The following ST14 variants were observed in gnomAD, a reference collection of about 807,000 sequenced individuals.
ST14 encodes ST14 transmembrane serine protease matriptase.
ST14 carries 40 observed loss-of-function variants against 96.5 expected under a neutral mutation model. That is an observed-to-expected ratio of 0.41 (90% confidence interval 0.32 to 0.54). The LOEUF (loss-of-function observed/expected upper bound fraction) is 0.54, where lower values mean the gene tolerates loss of function less well. Ranked by LOEUF, ST14 falls within the 20% of genes least tolerant of loss-of-function variation. The pLI is 0.17. For synonymous variants in ST14, 506 were observed against 492.1 expected (o/e 1.03, Z -0.37); for missense variants, 1,066 against 1,188.9 (o/e 0.90, Z 1.52).
chr11:130,208,379 C>T lies in ST14; in HGVS notation c.1995-31C>T, dbSNP rs372002742. The stretch of plus-strand genomic sequence containing the variant: ...GGCCGTGTGCACAGACCCGAGTGAC[C>T]GCGCAGTCTCATAGCGGCTCTCCCT... On this transcript the variant is annotated intron_variant, in intron 16 of 18. Coordinates refer to ENST00000278742, the MANE Select transcript of ST14 (RefSeq NM_021978.4). The T allele has an allele frequency of 9.9e-6, 16 of 1,613,576 alleles. No homozygotes were observed. In the East Asian group the frequency reaches 1.6e-4, roughly 16 times the overall value.
intron 16 of ST14, 53 bp from the exon 17 acceptor site, chr11:130,208,357 C>T (rs1953509438): frequency 8.1e-6 from 13 of 1,612,924 alleles, no homozygotes; most frequent in Middle Eastern, 1.7e-4. Context: ...GCCGCGAGGC[C>T]GTGTGCACAG....
At chr11:130,195,330 C>T (rs899668401) in intron 9 of ST14, among the ~76,000 whole-genome samples, 4 of 152,154 alleles carry the variant, frequency 2.6e-5, no homozygotes, top group African/African-American at 9.7e-5. Flanking sequence ...CCTGCAGTGT[C>T]AGGCAGACCC....
chr11:130,210,030 G>A lies in ST14; in HGVS notation c.*207G>A. 11 of 651,188 alleles carry A rather than the reference G, an allele frequency of 1.7e-5. No individual in the cohort carries two copies. The South Asian group carries it at 2.2e-4, about 13-fold the overall frequency. The allele number at this position is 651,188 out of a possible 1,614,324, so 40.3% of individuals were successfully genotyped here. ...GTGGAGCTGGGAGGTAGAAGGGGAG[G>A]ACACTGGTGGTTCTACTGACCCAAC... On this transcript the variant is annotated 3_prime_UTR_variant, in exon 19 of 19. Transcript: ENST00000278742.
At chr11:130,165,049 T>C (rs1953030688) in intron 1 of ST14, among the ~76,000 whole-genome samples, 1 of 152,206 alleles carries the variant, frequency 6.6e-6, no homozygotes, top group Admixed American at 6.5e-5. Context: ...GCCTTATTGT[T>C]ATTACCTTTT....
At chr11:130,197,438 G>A (rs1053900743) in intron 11 of ST14, among the ~76,000 whole-genome samples, 8 of 152,262 alleles carry the variant, frequency 5.3e-5, no homozygotes, top group Non-Finnish European at 1.2e-4. Context: ...CATTTGGATA[G>A]GACACATCAC....
intron 1 of ST14, among the ~76,000 whole-genome samples, chr11:130,172,863 C>A (rs1178132486): frequency 6.6e-6 from 1 of 152,082 alleles, no homozygotes; most frequent in Non-Finnish European, 1.5e-5. Context: ...AAGATGAGGT[C>A]TTTTTCTAGG....
chr11:130,208,103 G>T (rs890840723), intron 16 of ST14, among the ~76,000 whole-genome samples: 4 of 152,062 alleles, frequency 2.6e-5, no homozygotes, highest in Non-Finnish European at 5.9e-5. Flanking sequence ...AAATTATTTG[G>T]ATTGATTGTT....
chr11:130,209,923 C>A lies in ST14; in HGVS notation c.*100C>A. On this transcript the variant is annotated 3_prime_UTR_variant, in exon 19 of 19. Coordinates refer to ENST00000278742, the MANE Select transcript of ST14 (RefSeq NM_021978.4). ...GAGACTGGACCGCTGACTGCACCAGCGCCCCCAGAACATACACTGTGAACT... is the reference window on the plus strand; with the variant it reads ...GAGACTGGACCGCTGACTGCACCAGAGCCCCCAGAACATACACTGTGAACT... 4.2e-6 allele frequency: 6 copies of A among 1,436,868 alleles called. No homozygotes were observed. The highest frequency in any genetic ancestry group is 5.7e-6 in the Non-Finnish European group (6 of 1,046,570). The allele number at this position is 1,436,868 out of a possible 1,614,324, so 89.0% of individuals were successfully genotyped here. A position where few individuals can be genotyped will look rare whatever the true frequency, so the allele number is the denominator to read the frequency against.
chr11:130,168,894 C>T (rs1304340106), intron 1 of ST14, among the ~76,000 whole-genome samples: 1 of 152,036 alleles, frequency 6.6e-6, no homozygotes, highest in Non-Finnish European at 1.5e-5. Flanking sequence ...GTTTTTCCCA[C>T]TAGCTTCTGC....
intron 7 of ST14, 46 bp downstream of exon 7, chr11:130,190,740 G>A (rs1215403422): frequency 2.0e-6 from 3 of 1,526,608 alleles, no homozygotes; most frequent in South Asian, 1.2e-5. Context: ...CTTGGCGGCT[G>A]CCCTGTAGGG....
intron 1 of ST14, among the ~76,000 whole-genome samples, chr11:130,171,372 T>TC (rs1211133095): frequency 2.0e-5 from 3 of 152,254 alleles, no homozygotes; most frequent in African/African-American, 7.2e-5. Flanking sequence ...CTTTTGTGTA[T>TC]CCATTCATTT....
intron 16 of ST14, among the ~76,000 whole-genome samples, chr11:130,205,815 C>T (rs556828157): frequency 5.3e-4 from 78 of 148,570 alleles, no homozygotes; most frequent in Admixed American, 2.2e-3. Flanking sequence ...TCTCTTGCCT[C>T]AGTCTCCTGA....
chr11:130,189,994 C>G, intron 5 of ST14, 98 bp downstream of exon 5: 3 of 1,609,376 alleles, frequency 1.9e-6, no homozygotes, highest in Admixed American at 1.7e-5. Flanking sequence ...CTCCCAGGGC[C>G]CAGTGCCCCA....
intron 1 of ST14, 44 bp downstream of exon 1, chr11:130,160,104 C>T: frequency 6.8e-6 from 9 of 1,320,698 alleles, no homozygotes; most frequent in Non-Finnish European, 8.9e-6. Flanking sequence ...AGCTCCTGCC[C>T]GCCCGACCCT....
intron 17 of ST14, 93 bp downstream of exon 17, chr11:130,208,777 G>A: frequency 6.9e-7 from 1 of 1,443,414 alleles, no homozygotes; most frequent in East Asian, 2.5e-5. Context: ...GGGGCGGGGG[G>A]CTGCTCCAGT....
intron 1 of ST14, among the ~76,000 whole-genome samples, chr11:130,164,047 C>T (rs1486052030): frequency 1.3e-5 from 2 of 152,160 alleles, no homozygotes; most frequent in Admixed American, 6.6e-5. Context: ...CCTCAAGTTC[C>T]CTGATGTCTG....
chr11:130,191,689 CAAAAAAA>C (rs4054265), intron 7 of ST14, among the ~76,000 whole-genome samples: 3 of 109,048 alleles, frequency 2.8e-5, no homozygotes. Context: ...GACTCTGTCT[CAAAAAAA>C]AAAAAAAAAA....
intron 7 of ST14, among the ~76,000 whole-genome samples, chr11:130,191,460 C>A (rs7951683): frequency 0.48 from 73,317 of 151,988 alleles, 18,753 homozygotes; most frequent in East Asian, 0.96. Flanking sequence ...GAGGCCAAGG[C>A]GGCTGGATCA....
In ST14 at chr11:130,210,087, C is replaced by G. The variant is rs1015504940; in HGVS notation, c.*264C>G. 8.1e-6 allele frequency: 4 copies of G among 491,262 alleles called. No individual in the cohort carries two copies. The highest frequency in any genetic ancestry group is 1.1e-5 in the Non-Finnish European group (3 of 273,900). The allele number at this position is 491,262 out of a possible 1,614,324, so 30.4% of individuals were successfully genotyped here. A position where few individuals can be genotyped will look rare whatever the true frequency, so the allele number is the denominator to read the frequency against. ...CAAAGGTTTGAAGACACAGCCTCCCCCGCCAGCCCCAAGCTGGGCCGAGGC... is the reference window on the plus strand; with the variant it reads ...CAAAGGTTTGAAGACACAGCCTCCCGCGCCAGCCCCAAGCTGGGCCGAGGC... On this transcript the variant is annotated 3_prime_UTR_variant, in exon 19 of 19. Transcript: ENST00000278742.
Sources: allele counts gnomAD v4.1 joint callset (sites outside exome capture counted in the v4.1 genomes callset), GRCh38; gene constraint gnomAD v4.1.1; transcripts MANE v1.5; gene names NCBI Gene and HGNC (gene_info 2026-07-23, HGNC 2026-07-21).